Variants in WNT3 observed in about 807,000 individuals in gnomAD.
WNT3 encodes Wnt family member 3.
A neutral mutation model predicts 34.2 loss-of-function variants in WNT3; 7 were observed. The ratio of observed to expected loss-of-function variants is 0.20; its 90% CI spans 0.12 to 0.38. The LOEUF (loss-of-function observed/expected upper bound fraction) is 0.38. Among genes scored for constraint, WNT3 ranks in the 10% least tolerant of loss-of-function variants. WNT3 has a pLI of 1.00. For missense variants in WNT3, 267 were observed against 499.8 expected, an observed-to-expected ratio of 0.53 and a Z score of 4.44; for synonymous variants, 212 against 211.5, an observed-to-expected ratio of 1.00 and a Z score of -0.02.
chr17:46,789,404 C>A (rs1315104316), intron 1 of WNT3, among the ~76,000 whole-genome samples: 1 of 152,188 alleles, frequency 6.6e-6, no homozygotes, highest in African/African-American at 2.4e-5. Context: ...GACACCCAGG[C>A]TCCAACACCA....
At chr17:46,781,349 T>G (rs9900556) in intron 1 of WNT3, among the ~76,000 whole-genome samples, 2,190 of 152,092 alleles carry the variant, frequency 0.014, 54 homozygotes, top group African/African-American at 0.05. Context: ...ACTGTATGAT[T>G]TCACTTACAT....
rs140169227 is a variant in WNT3 at position 46,808,439 on chromosome 17, C to T, written c.80+10079G>A. Among the ~76,000 whole-genome samples the T allele has an allele frequency of 2.2e-3, 335 of 152,344 alleles. 1 individual carries two copies. The highest frequency in any genetic ancestry group is 3.6e-3 in the Non-Finnish European group (247 of 68,030). On this transcript the variant is annotated intron_variant, in intron 1 of 4. Coordinates refer to ENST00000225512, the MANE Select transcript of WNT3 (RefSeq NM_030753.5). The stretch of plus-strand genomic sequence containing the variant: ...TTTGGGGAACAAAGTAGAATATGAA[C>T]AAGCAAATTTTTACCCCAATAACAA...
intron 1 of WNT3, among the ~76,000 whole-genome samples, chr17:46,775,131 G>T (rs141825346): frequency 1.2e-3 from 180 of 152,336 alleles, no homozygotes; most frequent in African/African-American, 4.3e-3. Context: ...ACACAGGGCC[G>T]AGCCAAACAT....
At chr17:46,807,495 T>G (rs1189844202) in intron 1 of WNT3, among the ~76,000 whole-genome samples, 1 of 151,804 alleles carries the variant, frequency 6.6e-6, no homozygotes, top group African/African-American at 2.4e-5. Context: ...AGTAAATAAA[T>G]AAACAGAAAA....
At chr17:46,800,021 GTCCC>G (rs2084104541) in intron 1 of WNT3, among the ~76,000 whole-genome samples, 1 of 149,768 alleles carries the variant, frequency 6.7e-6, no homozygotes, top group Non-Finnish European at 1.5e-5. Context: ...GGGGAGTGCT[GTCCC>G]AGAGAGTGGG....
chr17:46,810,048 C>A (rs541323063), intron 1 of WNT3, among the ~76,000 whole-genome samples: 1 of 147,732 alleles, frequency 6.8e-6, no homozygotes, highest in Admixed American at 6.8e-5. Context: ...GTCTTGTTGC[C>A]CAGGCTGGAA....
intron 1 of WNT3, among the ~76,000 whole-genome samples, chr17:46,783,139 T>C (rs2059476151): frequency 6.6e-6 from 1 of 152,190 alleles, no homozygotes; most frequent in Admixed American, 6.5e-5. Flanking sequence ...GGGAGCACCC[T>C]TGCCTATGTC....
intron 1 of WNT3, among the ~76,000 whole-genome samples, chr17:46,792,713 C>G (rs1169795077): frequency 6.6e-6 from 1 of 152,196 alleles, no homozygotes; most frequent in East Asian, 1.9e-4. Context: ...ACCACGTGAT[C>G]TGCCCACCTC....
chr17:46,810,107 A>G (rs1378140797), intron 1 of WNT3, among the ~76,000 whole-genome samples: 1 of 150,860 alleles, frequency 6.6e-6, no homozygotes, highest in Non-Finnish European at 1.5e-5. Context: ...CCCAGGTTCA[A>G]GCGATTCTCC....
At chr17:46,784,098 T>C (rs2059483016) in intron 1 of WNT3, among the ~76,000 whole-genome samples, 1 of 152,038 alleles carries the variant, frequency 6.6e-6, no homozygotes, top group Non-Finnish European at 1.5e-5. Flanking sequence ...CCGGGGTCTG[T>C]GGCAGGGGAT....
At chr17:46,796,513 T>C (rs1219582410) in intron 1 of WNT3, among the ~76,000 whole-genome samples, 2 of 152,204 alleles carry the variant, frequency 1.3e-5, no homozygotes, top group Non-Finnish European at 2.9e-5. Context: ...AACCACAATG[T>C]TCTCCTGCCC....
At chr17:46,806,056 T>C (rs1012007274) in intron 1 of WNT3, among the ~76,000 whole-genome samples, 1 of 152,154 alleles carries the variant, frequency 6.6e-6, no homozygotes, top group Non-Finnish European at 1.5e-5. Flanking sequence ...GTGTGTGCTT[T>C]GTTTCCTCAA....
intron 1 of WNT3, among the ~76,000 whole-genome samples, chr17:46,777,005 C>A (rs986385230): frequency 1.3e-5 from 2 of 152,126 alleles, no homozygotes; most frequent in Non-Finnish European, 2.9e-5. Flanking sequence ...GCAGCAGAAC[C>A]CACAGGAGGA....
At chr17:46,771,868 C>CCGCCCAGG (rs1457972614) in intron 2 of WNT3, among the ~76,000 whole-genome samples, 2 of 144,926 alleles carry the variant, frequency 1.4e-5, no homozygotes, top group African/African-American at 4.9e-5. Flanking sequence ...GCCGCCCAGG[C>CCGCCCAGG]CCCTCCGGCG....
rs186624627 is a variant in WNT3, at chr17:46,811,745, G to A, written c.80+6773C>T. 8.5e-4 allele frequency among the ~76,000 whole-genome samples: 129 copies of A among 152,152 alleles called. 4 individuals are homozygous for A. In the South Asian group the frequency reaches 0.017, roughly 20 times the overall value. ...CGAGGCGGGTGGATTACCTGAGGTC[G>A]GGAGTTCGAGACCAGCCTGGCCAAC... On this transcript the variant is annotated intron_variant, in intron 1 of 4. Coordinates refer to ENST00000225512, the MANE Select transcript of WNT3 (RefSeq NM_030753.5).
intron 1 of WNT3, 125 bp from the exon 2 acceptor site, chr17:46,774,034 G>T: frequency 7.2e-7 from 1 of 1,383,314 alleles, no homozygotes; most frequent in Non-Finnish European, 9.9e-7. Context: ...CCTGGCACCT[G>T]AATGTGCTAC....
intron 1 of WNT3, among the ~76,000 whole-genome samples, chr17:46,786,561 C>G (rs1172796160): frequency 1.3e-5 from 2 of 152,260 alleles, no homozygotes; most frequent in Admixed American, 6.5e-5. Flanking sequence ...AGGGGAGCAG[C>G]TCCCAAGGAC....
intron 1 of WNT3, among the ~76,000 whole-genome samples, chr17:46,801,266 G>A (rs1015097805): frequency 3.9e-5 from 6 of 152,186 alleles, no homozygotes; most frequent in Non-Finnish European, 7.3e-5. Context: ...GCCAGGCTGA[G>A]GAGTATACAA....
chr17:46,817,747 G>A (rs951618044), intron 1 of WNT3, among the ~76,000 whole-genome samples: 3 of 151,970 alleles, frequency 2.0e-5, no homozygotes, highest in Admixed American at 6.6e-5. Context: ...CTCGGTCCTC[G>A]GTTTTCCAAA....
Sources: allele counts gnomAD v4.1 joint callset (sites outside exome capture counted in the v4.1 genomes callset), GRCh38; gene constraint gnomAD v4.1.1; transcripts MANE v1.5; gene names NCBI Gene and HGNC (gene_info 2026-07-23, HGNC 2026-07-21).